BEST1: variants seen among roughly 807,000 people sequenced by gnomAD.
BEST1 encodes the protein bestrophin 1.
BEST1 carries 58 observed loss-of-function variants against 63.3 expected under a neutral mutation model. That is an observed-to-expected ratio of 0.92 (90% CI 0.74 to 1.14). BEST1 has a LOEUF of 1.14. BEST1 is among the 50% of genes most tolerant of loss of function. The pLI is 0.00. For missense variants in BEST1, 671 were observed against 740.1 expected, an observed-to-expected ratio of 0.91 and a Z score of 1.08; for synonymous variants, 283 against 291.6, an observed-to-expected ratio of 0.97 and a Z score of 0.30.
intron 10 of BEST1, 180 bp from the exon 11 acceptor site, chr11:61,963,924 G>A: frequency 7.0e-7 from 1 of 1,420,636 alleles, no homozygotes; most frequent in South Asian, 1.4e-5. Context: ...CTTGAACCCA[G>A]GAGGTGGTGG....
At chr11:61,955,396 T>A in intron 3 of BEST1, 195 bp downstream of exon 3, 1 of 1,449,188 alleles carries the variant, frequency 6.9e-7, no homozygotes, top group Non-Finnish European at 9.0e-7. Flanking sequence ...AGGTAAGACG[T>A]CCTGCCGTTA....
In BEST1 at chr11:61,951,891, T is replaced by C. The variant is rs281865217; in HGVS notation, c.85T>C (p.Tyr29His). ...RLLLCWRGSI[Y>H]KLLYGEFLIF... ...GCTGCTGTGCTGGCGGGGCAGCATC[T>C]ACAAGCTGCTATATGGCGAGTTCTT... Residue 29 changes from tyrosine to histidine, a missense_variant, in exon 2 of 11, where the codon TAC becomes CAC. By Grantham distance (83) the Tyr-to-His change is moderately conservative. Coordinates refer to ENST00000378043, the MANE Select transcript of BEST1 (RefSeq NM_004183.4). 1 of 1,613,508 alleles carries C rather than the reference T, an allele frequency of 6.2e-7. No homozygotes were observed.
At chr11:61,952,297 T>G (rs1342327374) in intron 2 of BEST1, among the ~76,000 whole-genome samples, 3 of 92,652 alleles carry the variant, frequency 3.2e-5, no homozygotes, top group African/African-American at 1.3e-4. Context: ...ACATAGTACA[T>G]TAAAAAAGAG....
At chr11:61,963,899 T>C (rs878894302) in intron 10 of BEST1, 18 of 1,360,304 alleles carry the variant, frequency 1.3e-5, no homozygotes, top group Middle Eastern at 2.7e-4. Context: ...ACGCAGGAGG[T>C]TGAGGGGAGA....
chr11:61,958,635 C>T, intron 7 of BEST1: 1 of 566,116 alleles, frequency 1.8e-6, no homozygotes, highest in Non-Finnish European at 3.1e-6. Flanking sequence ...TCGGCACCAC[C>T]TCTCCTTATT....
chr11:61,964,676 C>T (rs1942396108), downstream of BEST1: 2 of 1,584,002 alleles, frequency 1.3e-6, no homozygotes, highest in East Asian at 2.2e-5. Context: ...CATGCACTGC[C>T]TTGGTGACCA....
chr11:61,957,722 A>T (rs538959366), intron 6 of BEST1, among the ~76,000 whole-genome samples: 102 of 152,306 alleles, frequency 6.7e-4, no homozygotes, highest in African/African-American at 1.9e-3. Flanking sequence ...CATGCCTGTA[A>T]TCCCAGCACT....
chr11:61,956,728 T>A (rs1252064558), intron 4 of BEST1, 116 bp from the exon 5 acceptor site: 1 of 1,323,300 alleles, frequency 7.6e-7, no homozygotes, highest in Non-Finnish European at 1.1e-6. Flanking sequence ...GAAATTTTTT[T>A]GTTGTTGAAA....
At chr11:61,957,518 CA>C in intron 6 of BEST1, 54 bp downstream of exon 6, 2 of 1,555,316 alleles carry the variant, frequency 1.3e-6, no homozygotes, top group Non-Finnish European at 1.8e-6. Flanking sequence ...CTAGAAGGAC[CA>C]AGGAAGCAGC....
chr11:61,958,101 G>C, intron 6 of BEST1, 45 bp from the exon 7 acceptor site: 1 of 1,609,286 alleles, frequency 6.2e-7, no homozygotes, highest in Non-Finnish European at 8.5e-7. Flanking sequence ...TGATTTCAGG[G>C]TTCCCACCTA....
intron 7 of BEST1, 167 bp downstream of exon 7, chr11:61,958,465 C>A: frequency 6.5e-7 from 1 of 1,529,950 alleles, no homozygotes; most frequent in Non-Finnish European, 8.8e-7. Context: ...GAGGCTGAGG[C>A]AGGAGAATCG....
In BEST1 at chr11:61,956,829, C is replaced by T. The variant is rs201010315; in HGVS notation, c.482-15C>T. The T allele has an allele frequency of 1.6e-4, 253 of 1,614,032 alleles. No homozygotes were observed. In the African/African-American group the frequency reaches 3.2e-3, roughly 20 times the overall value. On this transcript the variant is annotated splice_polypyrimidine_tract_variant and intron_variant, in intron 4 of 10. Coordinates refer to ENST00000378043, the MANE Select transcript of BEST1 (RefSeq NM_004183.4). ...AGGTTCTCCCACCCACCGCCTTCTT[C>T]ACTCCACTCTGCAGGCTTTATGACT...
Position 61,955,200 on chromosome 11 carries a change from G to C in BEST1, c.246G>C (p.Leu82=). ...YIQLIPISFV[L]GFYVTLVVTR... The stretch of plus-strand genomic sequence containing the variant: ...AGCTCATCCCCATTTCCTTCGTGCT[G>C]GGTGAGTTCCCCCTTCTGGCTGTTC... The change falls in exon 3 of 11, where the codon CTG becomes CTC. Residue 82 remains leucine, a splice_region_variant and synonymous_variant. Transcript: ENST00000378043. 6.2e-7 allele frequency: 1 copy of C among 1,614,150 alleles called. No individual in the cohort carries two copies. Among genetic ancestry groups the C allele is most frequent in the South Asian group, 1.1e-5 (1 of 91,090 alleles).
At chr11:61,965,354 G>T, downstream of BEST1, 1 of 1,609,160 alleles carries the variant, frequency 6.2e-7, no homozygotes, top group Non-Finnish European at 8.5e-7. Flanking sequence ...GACACCCCTA[G>T]GATCTTTTGT....
chr11:61,962,890 A>G lies in BEST1; in HGVS notation c.1736A>G (p.Asn579Ser). 6.2e-7 allele frequency: 1 copy of G among 1,614,152 alleles called. No homozygotes were observed. Among genetic ancestry groups the G allele is most frequent in the South Asian group, 1.1e-5 (1 of 91,078 alleles). The change falls in exon 10 of 11, where the codon AAC becomes AGC. Residue 579 changes from asparagine (N) to serine (S), a missense_variant. Transcript: ENST00000378043. Reference protein sequence around the residue: ...DHMDPYWALENRDEAHS With the variant: ...DHMDPYWALESRDEAHS Reference sequence around the variant, plus strand: ...ATGGATCCTTATTGGGCCTTGGAAAACAGGTCTGTCCTCCACCTGAACCAG... The same window carrying G: ...ATGGATCCTTATTGGGCCTTGGAAAGCAGGTCTGTCCTCCACCTGAACCAG...
intron 2 of BEST1, 137 bp downstream of exon 2, chr11:61,952,095 T>C: frequency 8.9e-7 from 1 of 1,117,866 alleles, no homozygotes; most frequent in Non-Finnish European, 1.3e-6. Context: ...GACCAGGTCC[T>C]GGGCACTGGA....
intron 9 of BEST1, chr11:61,961,534 A>G (rs1198844034): frequency 6.5e-6 from 1 of 152,828 alleles, no homozygotes; most frequent in Non-Finnish European, 1.5e-5. Context: ...CAGAACGATA[A>G]AGCATAGACC....
At chr11:61,957,556 C>G (rs977667945) in intron 6 of BEST1, 92 bp downstream of exon 6, 2 of 1,237,282 alleles carry the variant, frequency 1.6e-6, no homozygotes, top group East Asian at 2.3e-5. Context: ...CACCTAGAGG[C>G]TAAGTGGCTC....
At chr11:61,965,284 A>G, downstream of BEST1, 1 of 1,587,870 alleles carries the variant, frequency 6.3e-7, no homozygotes, top group African/African-American at 1.3e-5. Context: ...ATCACTTTAT[A>G]AGGGCAATTG....
Sources: gnomAD v4.1 joint callset for allele counts (sites outside exome capture counted in the v4.1 genomes callset) on GRCh38, gnomAD v4.1.1 for gene constraint, MANE v1.5 for transcripts, NCBI Gene and HGNC (gene_info 2026-07-23, HGNC 2026-07-21) for gene names.